Variants in DNAH9 observed in about 807,000 individuals in gnomAD.
DNAH9 encodes the protein dynein axonemal heavy chain 9, also known as DNAH9 variant protein.
DNAH9 carries 345 observed loss-of-function variants against 471.6 expected under a neutral mutation model. The observed-to-expected ratio is 0.73, with a 90% confidence interval of 0.67 to 0.80. The LOEUF is 0.80. Among genes scored for constraint, DNAH9 ranks in the 30% least tolerant of loss-of-function variants. DNAH9 has a pLI of 0.00. For synonymous variants in DNAH9, 2,093 were observed against 2,123.6 expected (o/e 0.99, Z 0.40); for missense variants, 5,407 against 5,609.2 (o/e 0.96, Z 1.15).
intron 48 of DNAH9, among the ~76,000 whole-genome samples, chr17:11,828,698 G>A (rs2150948210): frequency 6.6e-6 from 1 of 152,060 alleles, no homozygotes; most frequent in South Asian, 2.1e-4. Flanking sequence ...CTCTACGACT[G>A]GTTCACATCT....
chr17:11,622,743 G>A (rs182459277), intron 6 of DNAH9, among the ~76,000 whole-genome samples: 101 of 152,228 alleles, frequency 6.6e-4, no homozygotes, highest in African/African-American at 2.3e-3. Flanking sequence ...CCTCCCTAGC[G>A]TCATTACTCT....
intron 20 of DNAH9, 117 bp downstream of exon 20, chr17:11,690,553 C>A: frequency 1.1e-6 from 1 of 929,832 alleles, no homozygotes; most frequent in Non-Finnish European, 1.6e-6. Context: ...TTTGACTTTA[C>A]TTAAAGGCAC....
In DNAH9 at chr17:11,818,428, T is replaced by TTTTTAA. The variant is rs1038528871; in HGVS notation, c.8708-3492_8708-3491insTTTTAA. Among the ~76,000 whole-genome samples, 1,360 of 139,940 alleles carry TTTTTAA rather than the reference T, an allele frequency of 9.7e-3. 13 individuals are homozygous for TTTTTAA. The highest frequency in any genetic ancestry group is 0.033 in the African/African-American group (1,252 of 38,288). The allele number at this position is 139,940 out of a possible 152,430, so 91.8% of individuals were successfully genotyped here. On this transcript the variant is annotated intron_variant, in intron 45 of 68. Transcript: ENST00000262442. ...TGGTGACAGAGCAAGACTCCGTATTTAAAAAAAAAAAAAAGAAGAGAAAAG... is the reference window on the plus strand; with the variant it reads ...TGGTGACAGAGCAAGACTCCGTATTTTTTTAAAAAAAAAAAAAAAAGAAGAGAAAAG...
chr17:11,655,686 A>G (rs1004160674), intron 14 of DNAH9, among the ~76,000 whole-genome samples: 1 of 151,540 alleles, frequency 6.6e-6, no homozygotes, highest in African/African-American at 2.4e-5. Flanking sequence ...CTCAGCCATG[A>G]AAAGGAATGA....
Position 11,747,866 on chromosome 17 carries a change from C to A in DNAH9, c.6610+100C>A, listed in dbSNP as rs1479751129. On this transcript the variant is annotated intron_variant, in intron 32 of 68. Coordinates refer to ENST00000262442, the MANE Select transcript of DNAH9 (RefSeq NM_001372.4). Reference sequence around the variant, plus strand: ...GTGAATTGCAGAAGCAAACATTGGACTGATCTGTTTGGAACCGCGGAGGGA... The same window carrying A: ...GTGAATTGCAGAAGCAAACATTGGAATGATCTGTTTGGAACCGCGGAGGGA... The A allele has an allele frequency of 4.4e-6, 5 of 1,137,848 alleles. No homozygotes were observed. The African/African-American group carries it at 4.6e-5, about 10-fold the overall frequency. The allele number at this position is 1,137,848 out of a possible 1,614,324, so 70.5% of individuals were successfully genotyped here.
chr17:11,887,767 G>C (rs1441027609), intron 57 of DNAH9, among the ~76,000 whole-genome samples: 1 of 143,062 alleles, frequency 7.0e-6, no homozygotes, highest in Non-Finnish European at 1.6e-5. Context: ...CACACACACA[G>C]AGTGCACACA....
At position 11,704,187 on chromosome 17, in the gene DNAH9, A is replaced by G. The variant is rs777858177; in HGVS notation, c.5152-16A>G. The G allele has an allele frequency of 1.2e-6, 2 of 1,613,792 alleles. No homozygotes were observed. The highest frequency in any genetic ancestry group is 1.3e-5 in the African/African-American group (1 of 74,972). ...GCCATGATAACAGCTTTACTAGGCA[A>G]CTCTTGCTGCCACAGGTGGCCCTGA... is the stretch of plus-strand genomic sequence containing the variant. On this transcript the variant is annotated splice_polypyrimidine_tract_variant and intron_variant, in intron 24 of 68. Coordinates refer to ENST00000262442, the MANE Select transcript of DNAH9 (RefSeq NM_001372.4).
chr17:11,769,230 T>C lies in DNAH9; in HGVS notation c.7453T>C (p.Ser2485Pro), dbSNP rs1472084028. Reference sequence around the variant, plus strand: ...GGTGGGCACGGCTGGCACTGGCAAGTCGGTGCTGGTGGGAGCTAAGCTGGC... The same window carrying C: ...GGTGGGCACGGCTGGCACTGGCAAGCCGGTGCTGGTGGGAGCTAAGCTGGC... The part of the protein sequence containing the change: ...MLVGTAGTGK[S>P]VLVGAKLASL... The change falls in exon 38 of 69, where the codon TCG (serine) becomes CCG (proline). Residue 2485 changes from serine to proline, a missense_variant. Transcript: ENST00000262442. The C allele has an allele frequency of 2.5e-6, 4 of 1,614,014 alleles. No individual in the cohort carries two copies. Among genetic ancestry groups the C allele is most frequent in the Non-Finnish European group, 3.4e-6 (4 of 1,180,036 alleles).
chr17:11,648,968 A>T (rs2073446704), intron 12 of DNAH9, among the ~76,000 whole-genome samples: 1 of 152,136 alleles, frequency 6.6e-6, no homozygotes, highest in South Asian at 2.1e-4. Flanking sequence ...TCTACTAAAA[A>T]TACAAAAAAT....
Position 11,756,613 on chromosome 17 carries a change from A to G in DNAH9, c.6784A>G (p.Met2262Val), listed in dbSNP as rs927902552. 6.2e-7 allele frequency: 1 copy of G among 1,613,898 alleles called. No individual in the cohort carries two copies. The highest frequency in any genetic ancestry group is 8.5e-7 in the Non-Finnish European group (1 of 1,179,860). The change falls in exon 34 of 69, where the codon ATG becomes GTG. Residue 2262 changes from methionine (M) to valine (V), a missense_variant. By Grantham distance (21) the Met-to-Val change is conservative. This residue lies in a region of DNAH9 where 4,636 missense variants were observed against 4,900.3 expected (regional missense o/e 0.95). Transcript: ENST00000262442. Reference sequence around the variant, plus strand: ...TGAGAGGATTCCTCTGAACCCCACCATGAAGCTCCTCTTTGAGATCAGCCA... The same window carrying G: ...TGAGAGGATTCCTCTGAACCCCACCGTGAAGCTCCTCTTTGAGATCAGCCA... ...SNERIPLNPT[M>V]KLLFEISHLR...
Position 11,899,390 on chromosome 17 carries a change from C to T in DNAH9, c.11407-3329C>T, listed in dbSNP as rs142066398. On this transcript the variant is annotated intron_variant, in intron 59 of 68. Coordinates refer to ENST00000262442, the MANE Select transcript of DNAH9 (RefSeq NM_001372.4). ...GTTGCTCATTAGAAAATCTCATCTG[C>T]GATGAAGGCCTTTGTTAGCCTTTGA... Among the ~76,000 whole-genome samples, 7 of 152,184 alleles carry T rather than the reference C, an allele frequency of 4.6e-5. No homozygotes were observed. In the East Asian group the frequency reaches 7.8e-4, roughly 17 times the overall value.
chr17:11,598,864 CG>C lies in DNAH9; in HGVS notation c.370del (p.Asp124ThrfsTer10). The C allele has an allele frequency of 6.5e-7, 1 of 1,541,152 alleles. No homozygotes were observed. The highest frequency in any genetic ancestry group is 8.7e-7 in the Non-Finnish European group (1 of 1,150,316). ...PDSFRGAVVC[G>X]DLPAAPLEHL... Reference sequence around the variant, plus strand: ...ACAGCTTCCGCGGCGCAGTGGTCTGCGGGGACCTGCCCGCGGCACCTCTGGA... The same window carrying C: ...ACAGCTTCCGCGGCGCAGTGGTCTGCGGGACCTGCCCGCGGCACCTCTGGA... On this transcript the variant is annotated frameshift_variant, in exon 1 of 69. Transcript: ENST00000262442. LOFTEE classifies it high-confidence loss of function.
Position 11,636,631 on chromosome 17 carries a change from C to T in DNAH9, c.1636-3C>T. ...TCCTCTTTTTCCTCCACCTTCCCTACAGCTGCTAGACATAGCAGGAAACCT... is the reference window on the plus strand; with the variant it reads ...TCCTCTTTTTCCTCCACCTTCCCTATAGCTGCTAGACATAGCAGGAAACCT... On this transcript the variant is annotated splice_polypyrimidine_tract_variant and splice_region_variant and intron_variant, in intron 8 of 68. Transcript: ENST00000262442. 4 of 1,612,130 alleles carry T rather than the reference C, an allele frequency of 2.5e-6. No individual in the cohort carries two copies. The highest frequency in any genetic ancestry group is 2.5e-6 in the Non-Finnish European group (3 of 1,178,482).
chr17:11,969,056 T>C (rs572754350), intron 68 of DNAH9, among the ~76,000 whole-genome samples: 4 of 152,342 alleles, frequency 2.6e-5, no homozygotes, highest in Non-Finnish European at 5.9e-5. Context: ...AAGGGATTCA[T>C]TTGTATATGA....
intron 45 of DNAH9, among the ~76,000 whole-genome samples, chr17:11,818,182 G>A (rs1420763590): frequency 6.6e-6 from 1 of 152,232 alleles, no homozygotes; most frequent in Non-Finnish European, 1.5e-5. Flanking sequence ...TATAATCCCA[G>A]CACTTTGGGA....
intron 43 of DNAH9, among the ~76,000 whole-genome samples, chr17:11,807,207 G>A (rs954718551): frequency 2.0e-5 from 3 of 152,184 alleles, no homozygotes; most frequent in Non-Finnish European, 1.5e-5. Flanking sequence ...GGAGACAGAA[G>A]AGTTCTGTCC....
In DNAH9 at chr17:11,633,594, C is replaced by T. The variant is rs184819445; in HGVS notation, c.1635+891C>T. On this transcript the variant is annotated intron_variant, in intron 8 of 68. Coordinates refer to ENST00000262442, the MANE Select transcript of DNAH9 (RefSeq NM_001372.4). ...TATACATGTAGCCTTTAATCAATAC[C>T]GTAATTCACATTGGAAGCCTTTTGA... Among the ~76,000 whole-genome samples the T allele has an allele frequency of 1.7e-3, 253 of 152,286 alleles. 1 individual carries two copies. Among genetic ancestry groups the T allele is most frequent in the Non-Finnish European group, 2.3e-3 (159 of 68,020 alleles).
intron 35 of DNAH9, among the ~76,000 whole-genome samples, chr17:11,760,663 G>A (rs564577716): frequency 1.3e-5 from 2 of 152,114 alleles, no homozygotes; most frequent in Non-Finnish European, 2.9e-5. Context: ...GGGACTACAG[G>A]TGCATGCCAC....
chr17:11,727,832 C>A lies in DNAH9; in HGVS notation c.5724C>A (p.Ile1908=). 1 of 1,613,408 alleles carries A rather than the reference C, an allele frequency of 6.2e-7. No homozygotes were observed. The highest frequency in any genetic ancestry group is 8.5e-7 in the Non-Finnish European group (1 of 1,179,318). ...EQMDYKSCGN[I]YKGLAQTGAW... ...TTTTCTTGCAGTCTTGTGGCAACAT[C>A]TACAAAGGCCTTGCTCAGACTGGTG... The change falls in exon 28 of 69, where the codon ATC becomes ATA. Residue 1908 remains isoleucine (I), a synonymous_variant. Coordinates refer to ENST00000262442, the MANE Select transcript of DNAH9 (RefSeq NM_001372.4).
Sources: gnomAD v4.1 joint callset for allele counts (sites outside exome capture counted in the v4.1 genomes callset) on GRCh38, gnomAD v4.1.1 for gene constraint, gnomAD v4.1.1 regional missense constraint, MANE v1.5 for transcripts, NCBI Gene and HGNC (gene_info 2026-07-23, HGNC 2026-07-21) for gene names.